NPIPB2: variants seen among roughly 807,000 people sequenced by gnomAD.
NPIPB2 encodes nuclear pore complex-interacting protein family member B2.
Under a neutral mutation model 30.8 loss-of-function variants are expected in NPIPB2, and 27 were observed. The ratio of observed to expected loss-of-function variants is 0.88; its 90% confidence interval spans 0.65 to 1.21. The LOEUF (loss-of-function observed/expected upper bound fraction) is 1.21, where lower values mean the gene tolerates loss of function less well. NPIPB2 is among the 50% of genes most tolerant of loss of function. NPIPB2 has a pLI of 0.00. For synonymous variants in NPIPB2, 147 were observed against 162.0 expected (o/e 0.91, Z 0.70); for missense variants, 440 against 446.2 (o/e 0.99, Z 0.13).
intron 1 of NPIPB2, among the ~76,000 whole-genome samples, chr16:11,968,248 G>A (rs1418859335): frequency 6.6e-6 from 1 of 152,036 alleles, no homozygotes; most frequent in Admixed American, 6.6e-5. Context: ...AGGCCGAGGC[G>A]GGCAGATTAC....
chr16:11,946,941 A>C (rs968772581), upstream of NPIPB2, among the ~76,000 whole-genome samples: 2 of 151,192 alleles, frequency 1.3e-5, no homozygotes, highest in East Asian at 1.9e-4. Flanking sequence ...GCTGATCTCG[A>C]ACTCCTGACC....
intron 1 of NPIPB2, among the ~76,000 whole-genome samples, chr16:11,952,509 G>C (rs769287693): frequency 6.6e-6 from 1 of 151,334 alleles, no homozygotes; most frequent in African/African-American, 2.4e-5. Context: ...AACAATATTC[G>C]ATGACTAACC....
At chr16:11,958,932 C>T (rs544143527) in intron 1 of NPIPB2, among the ~76,000 whole-genome samples, 2 of 152,184 alleles carry the variant, frequency 1.3e-5, no homozygotes, top group Admixed American at 1.3e-4. Flanking sequence ...AGAGGAGTCA[C>T]CAACCAGTGG....
At chr16:11,960,903 G>A (rs1178778129) in intron 1 of NPIPB2, among the ~76,000 whole-genome samples, 10 of 147,160 alleles carry the variant, frequency 6.8e-5, no homozygotes, top group South Asian at 2.1e-4. Flanking sequence ...GTCTCACTCC[G>A]TAGCCCAGAC....
intron 1 of NPIPB2, among the ~76,000 whole-genome samples, chr16:11,939,375 C>G (rs997804233): frequency 1.1e-4 from 17 of 151,640 alleles, no homozygotes; most frequent in Non-Finnish European, 2.1e-4. Context: ...TCCTAGCTAA[C>G]ACGGTGAAAC....
At chr16:11,953,712 A>ATTTTT (rs36103994) in intron 1 of NPIPB2, among the ~76,000 whole-genome samples, 2 of 75,542 alleles carry the variant, frequency 2.6e-5, no homozygotes, top group Admixed American at 1.5e-4. Context: ...ATTTACTTTA[A>ATTTTT]TTTTTTTTTT....
intron 1 of NPIPB2, among the ~76,000 whole-genome samples, chr16:11,938,669 G>A (rs1333778841): frequency 6.6e-6 from 1 of 151,666 alleles, no homozygotes; most frequent in African/African-American, 2.4e-5. Context: ...ACAAATTTGT[G>A]TTGAACTGCA....
chr16:11,948,291 C>T (rs2055031236), intron 1 of NPIPB2, among the ~76,000 whole-genome samples: 1 of 152,052 alleles, frequency 6.6e-6, no homozygotes, highest in African/African-American at 2.4e-5. Context: ...ACTGTGGATC[C>T]TGTCATCAAG....
chr16:11,947,361 G>C (rs2055022224), intron 1 of NPIPB2, among the ~76,000 whole-genome samples: 1 of 144,876 alleles, frequency 6.9e-6, no homozygotes, highest in Non-Finnish European at 1.5e-5. Flanking sequence ...ATTTATTTTT[G>C]AGAGATGGAG....
At chr16:11,968,058 T>G in intron 1 of NPIPB2, 2 of 559,752 alleles carry the variant, frequency 3.6e-6, no homozygotes, top group Non-Finnish European at 6.1e-6. Flanking sequence ...TTAAACTCTT[T>G]TTTTTCCTGA....
chr16:11,960,891 C>T (rs989747934), intron 1 of NPIPB2, among the ~76,000 whole-genome samples: 5 of 149,610 alleles, frequency 3.3e-5, no homozygotes, highest in African/African-American at 9.9e-5. Flanking sequence ...TTTTGAGACA[C>T]GGTCTCACTC....
At chr16:11,965,226 T>C (rs2055184147) in intron 1 of NPIPB2, 2 of 1,512,194 alleles carry the variant, frequency 1.3e-6, no homozygotes, top group Non-Finnish European at 1.8e-6. Context: ...CTCAACATTC[T>C]AGCTGCTCTT....
chr16:11,941,947 A>T (rs1430005841), intron 1 of NPIPB2, 36 bp downstream of exon 1: 3 of 1,023,588 alleles, frequency 2.9e-6, no homozygotes, highest in Admixed American at 4.0e-5. Context: ...AACATAAAAA[A>T]CAAATGATGG....
At chr16:11,976,239 C>G (rs1347079065) in intron 1 of NPIPB2, among the ~76,000 whole-genome samples, 1 of 152,150 alleles carries the variant, frequency 6.6e-6, no homozygotes, top group Non-Finnish European at 1.5e-5. Context: ...TATTTTCTCA[C>G]TCATCCCCTC....
intron 1 of NPIPB2, among the ~76,000 whole-genome samples, chr16:11,969,154 A>C (rs1287067572): frequency 6.6e-6 from 1 of 152,078 alleles, no homozygotes. Flanking sequence ...GGTGTGAGCT[A>C]TCGCGCCCGG....
At chr16:11,958,515 A>G (rs2055132341) in intron 1 of NPIPB2, among the ~76,000 whole-genome samples, 1 of 151,664 alleles carries the variant, frequency 6.6e-6, no homozygotes, top group Non-Finnish European at 1.5e-5. Context: ...GGATGGCTTG[A>G]GTCTAGGAGT....
intron 1 of NPIPB2, among the ~76,000 whole-genome samples, chr16:11,964,517 A>T (rs773536628): frequency 7.9e-5 from 12 of 151,700 alleles, no homozygotes; most frequent in Non-Finnish European, 2.9e-5. Flanking sequence ...GGGTTCAAGC[A>T]CGTCTCCCTG....
intron 2 of NPIPB2, 59 bp downstream of exon 2, chr16:11,937,481 T>C (rs1413693883): frequency 2.2e-6 from 2 of 893,044 alleles, no homozygotes; most frequent in Non-Finnish European, 3.4e-6. Context: ...AATTGTTTTA[T>C]ATAATTTATT....
At chr16:11,960,838 T>C (rs538246839) in intron 1 of NPIPB2, among the ~76,000 whole-genome samples, 25 of 152,100 alleles carry the variant, frequency 1.6e-4, no homozygotes, top group African/African-American at 6.0e-4. Flanking sequence ...TCTCCTTGCT[T>C]GACTGTTATG....
Sources: allele counts gnomAD v4.1 joint callset (sites outside exome capture counted in the v4.1 genomes callset), GRCh38; gene constraint gnomAD v4.1.1; transcripts MANE v1.5; gene names NCBI Gene and HGNC (gene_info 2026-07-23, HGNC 2026-07-21).